The following KNTC1 variants were observed in gnomAD, a reference collection of about 807,000 sequenced individuals.
KNTC1 encodes kinetochore-associated protein 1.
Under a neutral mutation model 314.4 loss-of-function variants are expected in KNTC1, and 253 were observed. The observed-to-expected ratio is 0.80, with a 90% CI of 0.73 to 0.89. KNTC1 has a LOEUF of 0.89. Among genes scored for constraint, KNTC1 ranks in the 40% least tolerant of loss-of-function variants. KNTC1 has a pLI of 0.00. For missense variants in KNTC1, 2,475 were observed against 2,572.9 expected (o/e 0.96, Z 0.82); for synonymous variants, 901 against 901.4 (o/e 1.00, Z 0.01).
chr12:122,541,874 C>T (rs1962366709), intron 5 of KNTC1, among the ~76,000 whole-genome samples, 176 bp from the exon 6 acceptor site: 1 of 151,698 alleles, frequency 6.6e-6, no homozygotes, highest in African/African-American at 2.4e-5. Flanking sequence ...CAAAAATTAG[C>T]TGGGCATGGT....
In KNTC1 at chr12:122,602,906, G is replaced by C. The variant is rs781609154; in HGVS notation, c.4884+19G>C. The C allele has an allele frequency of 3.8e-6, 6 of 1,579,200 alleles. No homozygotes were observed. Among genetic ancestry groups the C allele is most frequent in the Non-Finnish European group, 5.2e-6 (6 of 1,150,474 alleles). On this transcript the variant is annotated intron_variant, in intron 47 of 63. Coordinates refer to ENST00000333479, the MANE Select transcript of KNTC1 (RefSeq NM_014708.6). Reference sequence around the variant, plus strand: ...AATGAAGGTAATGGATTAAAACATTGTAAGACATTTCTGTATCCTGCAATT... The same window carrying C: ...AATGAAGGTAATGGATTAAAACATTCTAAGACATTTCTGTATCCTGCAATT...
chr12:122,603,269 A>T (rs1302037175), intron 48 of KNTC1, 26 bp downstream of exon 48: 3 of 1,349,850 alleles, frequency 2.2e-6, no homozygotes, highest in African/African-American at 1.5e-5. Context: ...TTAAAATTGT[A>T]GTTAAAAAAA....
At chr12:122,548,824 C>G (rs577246272) in intron 12 of KNTC1, among the ~76,000 whole-genome samples, 32 of 151,896 alleles carry the variant, frequency 2.1e-4, no homozygotes, top group African/African-American at 7.7e-4. Context: ...AAAAATTAGC[C>G]GGGCTTGGTG....
chr12:122,527,549 TTC>T (rs1431185746), intron 1 of KNTC1, 198 bp downstream of exon 1: 1 of 152,354 alleles, frequency 6.6e-6, no homozygotes, highest in Non-Finnish European at 1.5e-5. Context: ...ATCTTGCTCA[TTC>T]TCTCGTATTC....
chr12:122,534,514 A>C (rs920307709), intron 2 of KNTC1, 150 bp from the exon 3 acceptor site: 2 of 690,680 alleles, frequency 2.9e-6, no homozygotes, highest in African/African-American at 1.8e-5. Context: ...ACAAAGAAAA[A>C]CTCGATGATT....
In KNTC1 at chr12:122,602,623, G is replaced by A; in HGVS notation, c.4708G>A (p.Asp1570Asn). The A allele has an allele frequency of 6.2e-7, 1 of 1,611,930 alleles. No individual in the cohort carries two copies. The highest frequency in any genetic ancestry group is 8.5e-7 in the Non-Finnish European group (1 of 1,178,126). ...ATACAGAAGAATTTCTCCTCCCGTG[G>A]ATCTAGAATATCAGTATATGTTGGA... Reference protein sequence around the residue: ...KSYRRISPPVDLEYQYMLEHV... With the variant: ...KSYRRISPPVNLEYQYMLEHV... Residue 1570 changes from aspartate (D) to asparagine (N), a missense_variant, in exon 46 of 64, where the codon GAT becomes AAT. By Grantham distance (23) the Asp-to-Asn change is conservative (BLOSUM62 1). Transcript: ENST00000333479.
rs769393691 is a variant in KNTC1 at position 122,562,626 on chromosome 12, T to C, written c.1543-12T>C. The C allele has an allele frequency of 6.6e-7, 1 of 1,519,424 alleles. No homozygotes were observed. The highest frequency in any genetic ancestry group is 1.1e-5 in the South Asian group (1 of 87,640). The allele number at this position is 1,519,424 out of a possible 1,614,324, so 94.1% of individuals were successfully genotyped here. A position where few individuals can be genotyped will look rare whatever the true frequency, so the allele number is the denominator to read the frequency against. ...CATATAAATTCAGATTATTAAATTA[T>C]TTTTTCTTCAGGTGCTAAGAGCTCA... On this transcript the variant is annotated splice_polypyrimidine_tract_variant and intron_variant, in intron 19 of 63. Coordinates refer to ENST00000333479, the MANE Select transcript of KNTC1 (RefSeq NM_014708.6).
chr12:122,581,267 C>T (rs1392663821), intron 33 of KNTC1, among the ~76,000 whole-genome samples: 7 of 145,876 alleles, frequency 4.8e-5, no homozygotes, highest in Non-Finnish European at 1.0e-4. Context: ...GGCGTGATCT[C>T]GGCTCACTGC....
rs569045058 is a variant in KNTC1 at position 122,554,805 on chromosome 12, A to C, written c.1273-2579A>C. ...TTGGTATTGTGTCCATAGGAAACAG[A>C]ACCTGAAATTTGAGTATTTGTAACT... On this transcript the variant is annotated intron_variant, in intron 16 of 63. Transcript: ENST00000333479. Among the ~76,000 whole-genome samples the C allele has an allele frequency of 2.7e-3, 407 of 152,332 alleles. 5 individuals carry two copies. The highest frequency in any genetic ancestry group is 2.5e-3 in the Non-Finnish European group (173 of 68,030).
rs765498214 is a variant in KNTC1 at position 122,602,742 on chromosome 12, T to C, written c.4825+2T>C. The C allele has an allele frequency of 6.2e-7, 1 of 1,613,268 alleles. No homozygotes were observed. The highest frequency in any genetic ancestry group is 1.7e-5 in the Admixed American group (1 of 59,936). On this transcript the variant is annotated splice_donor_variant, in intron 46 of 63. Coordinates refer to ENST00000333479, the MANE Select transcript of KNTC1 (RefSeq NM_014708.6). LOFTEE classifies it high-confidence loss of function. ...CACAGAACTTCTGGAAAATTCTCTGTATGTGTTCATTAACTTTTTATGAAT... is the reference window on the plus strand; with the variant it reads ...CACAGAACTTCTGGAAAATTCTCTGCATGTGTTCATTAACTTTTTATGAAT...
At chr12:122,588,913 T>A (rs1869760059) in intron 40 of KNTC1, 97 bp downstream of exon 40, 1 of 656,086 alleles carries the variant, frequency 1.5e-6, no homozygotes, top group Admixed American at 3.7e-5. Context: ...TTCAGTACAG[T>A]AGTATTTTAC....
chr12:122,535,118 T>G (rs1436960413), intron 3 of KNTC1, among the ~76,000 whole-genome samples: 2 of 152,236 alleles, frequency 1.3e-5, no homozygotes, highest in Non-Finnish European at 1.5e-5. Flanking sequence ...GTATCATTAA[T>G]GGGTATTTGC....
chr12:122,570,409 C>A (rs903533034), intron 22 of KNTC1, among the ~76,000 whole-genome samples: 1 of 150,776 alleles, frequency 6.6e-6, no homozygotes, highest in Non-Finnish European at 1.5e-5. Flanking sequence ...CACAGCCACT[C>A]GGGAGTCTGA....
At chr12:122,623,729 G>A (rs1874687046) in intron 62 of KNTC1, among the ~76,000 whole-genome samples, 1 of 152,100 alleles carries the variant, frequency 6.6e-6, no homozygotes. Context: ...TCAGAGTCGA[G>A]GGGCCCAGGG....
intron 51 of KNTC1, among the ~76,000 whole-genome samples, chr12:122,607,978 A>C (rs1328606763): frequency 6.6e-6 from 1 of 152,230 alleles, no homozygotes; most frequent in African/African-American, 2.4e-5. Context: ...CAGCAAATCC[A>C]GATCTTCTGT....
intron 6 of KNTC1, among the ~76,000 whole-genome samples, chr12:122,542,774 A>AT (rs1415051324): frequency 1.1e-4 from 16 of 152,176 alleles, no homozygotes; most frequent in Admixed American, 6.6e-4. Context: ...CAAAAAAAAA[A>AT]ATATATAGTG....
intron 39 of KNTC1, 41 bp from the exon 40 acceptor site, chr12:122,588,671 A>G (rs1236175210): frequency 1.5e-6 from 2 of 1,365,394 alleles, no homozygotes; most frequent in Non-Finnish European, 1.9e-6. Context: ...AGAATGTTAT[A>G]TAGAACTAGA....
At chr12:122,603,277 A>C in intron 48 of KNTC1, 34 bp downstream of exon 48, 1 of 1,376,072 alleles carries the variant, frequency 7.3e-7, no homozygotes. Flanking sequence ...GTAGTTAAAA[A>C]AAAAAAAAAA....
In KNTC1 at chr12:122,597,792, A is replaced by G. The variant is rs374685449; in HGVS notation, c.4417A>G (p.Thr1473Ala). ...CTTCATTGAAACGCTGCTCCACAAC[A>G]CAAATGCCGGCCAAGGCCAGGGAGA... is the stretch of plus-strand genomic sequence containing the variant. ...QLFIETLLHN[T>A]NAGQGQGDAS... The change falls in exon 44 of 64, where the codon ACA becomes GCA. Residue 1473 changes from threonine (T) to alanine (A), a missense_variant. By Grantham distance (58) the Thr-to-Ala change is moderately conservative. Transcript: ENST00000333479. 3.0e-5 allele frequency: 49 copies of G among 1,613,916 alleles called. No individual in the cohort carries two copies. Among genetic ancestry groups the G allele is most frequent in the Non-Finnish European group, 4.0e-5 (47 of 1,179,894 alleles).
Sources: allele counts gnomAD v4.1 joint callset (sites outside exome capture counted in the v4.1 genomes callset), GRCh38; gene constraint gnomAD v4.1.1; transcripts MANE v1.5; gene names NCBI Gene and HGNC (gene_info 2026-07-23, HGNC 2026-07-21).